The following PPP2R3A variants were observed in gnomAD, a reference collection of about 807,000 sequenced individuals.
PPP2R3A encodes serine/threonine-protein phosphatase 2A regulatory subunit B'' subunit alpha.
A neutral mutation model predicts 106.9 loss-of-function variants in PPP2R3A; 80 were observed. The ratio of observed to expected loss-of-function variants is 0.75; its 90% CI spans 0.62 to 0.90. The LOEUF (loss-of-function observed/expected upper bound fraction) is 0.90. Ranked by LOEUF, PPP2R3A falls within the 40% of genes least tolerant of loss-of-function variation. The pLI, the probability that PPP2R3A is intolerant of heterozygous loss-of-function variation, is 0.00. For synonymous variants in PPP2R3A, 483 were observed against 468.3 expected, an observed-to-expected ratio of 1.03 and a Z score of -0.41; for missense variants, 1,386 against 1,350.4, an observed-to-expected ratio of 1.03 and a Z score of -0.41.
At position 136,001,204 on chromosome 3, in the gene PPP2R3A, AGAG is replaced by A; in HGVS notation, c.-292_-290del. 2.2e-6 allele frequency: 1 copy of A among 446,162 alleles called. No homozygotes were observed. The highest frequency in any genetic ancestry group is 3.9e-6 in the Non-Finnish European group (1 of 255,528). The allele number at this position is 446,162 out of a possible 1,614,324, so 27.6% of individuals were successfully genotyped here. A position where few individuals can be genotyped will look rare whatever the true frequency, so the allele number is the denominator to read the frequency against. ...GTTATAGAACTGTTGAAGAACTAAA[AGAG>A]GATATTCTTTCATCAAAATAATTCT... On this transcript the variant is annotated 5_prime_UTR_variant, in exon 2 of 14. Transcript: ENST00000264977.
chr3:136,080,644 A>G (rs934533689), intron 7 of PPP2R3A, among the ~76,000 whole-genome samples: 1 of 152,236 alleles, frequency 6.6e-6, no homozygotes, highest in African/African-American at 2.4e-5. Context: ...AAGAAAAACC[A>G]TATTTTATCA....
intron 3 of PPP2R3A, among the ~76,000 whole-genome samples, chr3:136,034,051 T>C (rs1935000578): frequency 6.6e-6 from 1 of 150,822 alleles, no homozygotes; most frequent in South Asian, 2.1e-4. Context: ...TTTTTTTTTT[T>C]TTTGAGACAG....
intron 4 of PPP2R3A, among the ~76,000 whole-genome samples, chr3:136,046,691 A>G (rs763457487): frequency 3.3e-5 from 5 of 152,240 alleles, no homozygotes; most frequent in Admixed American, 6.5e-5. Flanking sequence ...TGACAATTCT[A>G]AAACCCAGAG....
rs1939122533 is a variant in PPP2R3A, at chr3:136,146,277, A to C, written c.*1111A>C. On this transcript the variant is annotated 3_prime_UTR_variant, in exon 14 of 14. Transcript: ENST00000264977. Reference sequence around the variant, plus strand: ...GGCCACAGTCCAGCCAAATCCTATAATATCCTTGAAAAGAAACTATTAAAA... The same window carrying C: ...GGCCACAGTCCAGCCAAATCCTATACTATCCTTGAAAAGAAACTATTAAAA... The C allele has an allele frequency of 6.6e-6, 1 of 152,238 alleles. No individual in the cohort carries two copies. The allele number at this position is 152,238 out of a possible 1,614,324, so 9.4% of individuals were successfully genotyped here. A position where few individuals can be genotyped will look rare whatever the true frequency, so the allele number is the denominator to read the frequency against.
intron 1 of PPP2R3A, among the ~76,000 whole-genome samples, chr3:135,967,714 T>C (rs1035292979): frequency 6.6e-6 from 1 of 152,152 alleles, no homozygotes. Context: ...GAAGCTTTGC[T>C]TGACACCCCC....
At chr3:136,144,189 C>G (rs1391797767) in intron 13 of PPP2R3A, among the ~76,000 whole-genome samples, 1 of 152,192 alleles carries the variant, frequency 6.6e-6, no homozygotes, top group Non-Finnish European at 1.5e-5. Flanking sequence ...AAAGGTTTAG[C>G]AGAAGGACAT....
intron 5 of PPP2R3A, chr3:136,055,809 G>A (rs1310111622): frequency 7.4e-6 from 4 of 543,430 alleles, no homozygotes; most frequent in Non-Finnish European, 1.3e-5. Context: ...ATAAATGATT[G>A]GGGAGAAGAA....
At chr3:136,058,978 C>T (rs979360232) in intron 5 of PPP2R3A, among the ~76,000 whole-genome samples, 2 of 152,146 alleles carry the variant, frequency 1.3e-5, no homozygotes, top group Middle Eastern at 3.2e-3. Context: ...ATACCATATA[C>T]AAAAATTAAC....
chr3:136,070,858 C>G (rs1333134181), intron 6 of PPP2R3A, among the ~76,000 whole-genome samples: 2 of 152,244 alleles, frequency 1.3e-5, no homozygotes, highest in Admixed American at 6.5e-5. Flanking sequence ...CCAAATAAGA[C>G]TGAAAAGAAT....
chr3:136,133,447 C>G (rs990516035), intron 13 of PPP2R3A, among the ~76,000 whole-genome samples: 3 of 152,140 alleles, frequency 2.0e-5, no homozygotes, highest in African/African-American at 7.2e-5. Context: ...ATATACTACA[C>G]AGCCACTTGA....
chr3:136,066,649 A>G (rs10048942), intron 5 of PPP2R3A, among the ~76,000 whole-genome samples: 31,449 of 152,112 alleles, frequency 0.21, 3,554 homozygotes, highest in Non-Finnish European at 0.24. Context: ...GGAAGCCAGC[A>G]TCTCACTTGG....
At chr3:136,111,742 A>C (rs1188522826) in intron 13 of PPP2R3A, among the ~76,000 whole-genome samples, 1 of 152,154 alleles carries the variant, frequency 6.6e-6, no homozygotes, top group African/African-American at 2.4e-5. Flanking sequence ...AGCTGGTACC[A>C]ATCCTGCTGA....
intron 6 of PPP2R3A, among the ~76,000 whole-genome samples, chr3:136,070,994 C>T (rs1300955786): frequency 1.3e-5 from 2 of 152,222 alleles, no homozygotes; most frequent in Non-Finnish European, 2.9e-5. Flanking sequence ...TTTAAAACAA[C>T]ATGATCACAA....
intron 1 of PPP2R3A, among the ~76,000 whole-genome samples, chr3:135,979,666 T>C (rs1246880245): frequency 2.0e-5 from 3 of 151,780 alleles, no homozygotes; most frequent in Non-Finnish European, 4.4e-5. Context: ...CATGTATTGC[T>C]CATCCTGCCA....
At chr3:136,039,940 C>T (rs1170287482) in intron 3 of PPP2R3A, among the ~76,000 whole-genome samples, 1 of 152,018 alleles carries the variant, frequency 6.6e-6, no homozygotes, top group African/African-American at 2.4e-5. Flanking sequence ...TCCAGTCTTT[C>T]CTAAGGCTTT....
intron 1 of PPP2R3A, among the ~76,000 whole-genome samples, chr3:135,983,587 T>A (rs1360836812): frequency 1.3e-5 from 2 of 152,244 alleles, no homozygotes; most frequent in Non-Finnish European, 2.9e-5. Flanking sequence ...ACTCTTCTGT[T>A]AAGTTTCTTT....
chr3:136,028,186 G>T (rs1436213422), intron 3 of PPP2R3A, among the ~76,000 whole-genome samples: 1 of 152,126 alleles, frequency 6.6e-6, no homozygotes, highest in Non-Finnish European at 1.5e-5. Flanking sequence ...CATCCACTTT[G>T]TTGAAGACCT....
chr3:136,016,910 C>T (rs531922335), intron 2 of PPP2R3A, among the ~76,000 whole-genome samples: 3 of 151,838 alleles, frequency 2.0e-5, no homozygotes, highest in Non-Finnish European at 4.4e-5. Flanking sequence ...ATTTTATATG[C>T]CGTGTGAAAT....
intron 1 of PPP2R3A, among the ~76,000 whole-genome samples, chr3:135,970,828 T>C (rs2107745247): frequency 6.6e-6 from 1 of 152,292 alleles, no homozygotes; most frequent in East Asian, 1.9e-4. Context: ...ATTACCCCTC[T>C]CCCACGTTCT....
Sources: allele counts gnomAD v4.1 joint callset (sites outside exome capture counted in the v4.1 genomes callset), GRCh38; gene constraint gnomAD v4.1.1; transcripts MANE v1.5; gene names NCBI Gene and HGNC (gene_info 2026-07-23, HGNC 2026-07-21).